INSC: variants seen among roughly 807,000 people sequenced by gnomAD.
The protein encoded by INSC is protein inscuteable homolog.
A neutral mutation model predicts 58.6 loss-of-function variants in INSC; 67 were observed. The ratio of observed to expected loss-of-function variants is 1.14; its 90% CI spans 0.94 to 1.40. INSC has a LOEUF of 1.40. INSC is among the 40% of genes most tolerant of loss of function. INSC has a pLI of 0.00. For synonymous variants in INSC, 262 were observed against 276.1 expected (o/e 0.95, Z 0.51); for missense variants, 714 against 692.0 (o/e 1.03, Z -0.36).
At chr11:15,168,247 A>G (rs370307730) in intron 2 of INSC, among the ~76,000 whole-genome samples, 13 of 152,190 alleles carry the variant, frequency 8.5e-5, no homozygotes, top group African/African-American at 3.1e-4. Context: ...TGCATTAGCT[A>G]TTTATCTTGA....
intron 5 of INSC, among the ~76,000 whole-genome samples, chr11:15,187,109 G>A (rs181171310): frequency 7.4e-4 from 112 of 152,208 alleles, no homozygotes; most frequent in Middle Eastern, 6.8e-3. Flanking sequence ...GATCCTACAC[G>A]TGGCTTTTCT....
chr11:15,195,403 T>G (rs1540150), intron 6 of INSC, among the ~76,000 whole-genome samples: 124,304 of 152,002 alleles, frequency 0.82, 51,120 homozygotes, highest in East Asian at 0.99. Flanking sequence ...GGCACATGGG[T>G]TCTGAAGATA....
intron 7 of INSC, among the ~76,000 whole-genome samples, chr11:15,201,540 A>G (rs1474927514): frequency 1.3e-5 from 2 of 152,102 alleles, no homozygotes; most frequent in African/African-American, 2.4e-5. Context: ...TTCAAGCCTG[A>G]TCTATGGTGA....
intron 8 of INSC, among the ~76,000 whole-genome samples, chr11:15,223,578 T>C (rs977210937): frequency 2.6e-5 from 4 of 152,192 alleles, no homozygotes; most frequent in Non-Finnish European, 4.4e-5. Flanking sequence ...GGCACTTAGG[T>C]GGTTGTGTTA....
intron 7 of INSC, among the ~76,000 whole-genome samples, chr11:15,214,747 G>T (rs1851150459): frequency 6.6e-6 from 1 of 152,172 alleles, no homozygotes; most frequent in African/African-American, 2.4e-5. Context: ...GAAGTGATTA[G>T]GTCATGAGGG....
chr11:15,241,193 A>G (rs16931285), intron 12 of INSC, among the ~76,000 whole-genome samples: 4,127 of 152,320 alleles, frequency 0.027, 137 homozygotes, highest in East Asian at 0.093. Flanking sequence ...AGGACTCCCA[A>G]AGTAGAGTAG....
At chr11:15,244,259 G>C (rs1852474791) in intron 12 of INSC, among the ~76,000 whole-genome samples, 1 of 152,122 alleles carries the variant, frequency 6.6e-6, no homozygotes, top group African/African-American at 2.4e-5. Flanking sequence ...GTTTACCCTT[G>C]TTAGTCTATG....
downstream of INSC, among the ~76,000 whole-genome samples, chr11:15,247,822 TTTG>T (rs1156390111): frequency 6.7e-6 from 1 of 150,372 alleles, no homozygotes; most frequent in Non-Finnish European, 1.5e-5. Flanking sequence ...ACAGACAACT[TTTG>T]TTAATATCAT....
intron 7 of INSC, among the ~76,000 whole-genome samples, chr11:15,210,321 T>C (rs963535947): frequency 6.9e-6 from 1 of 144,568 alleles, no homozygotes; most frequent in African/African-American, 2.7e-5. Context: ...TTGTGAGATG[T>C]AATGTGATGA....
the INSC span, among the ~76,000 whole-genome samples, chr11:15,258,846 G>C: frequency 6.6e-6 from 1 of 152,134 alleles, no homozygotes; most frequent in Non-Finnish European, 1.5e-5. Context: ...ACAGAATGAG[G>C]CAGGACATCT....
intron 7 of INSC, among the ~76,000 whole-genome samples, chr11:15,212,850 G>A (rs1251997661): frequency 2.0e-5 from 3 of 152,054 alleles, no homozygotes; most frequent in Non-Finnish European, 4.4e-5. Context: ...ATTGCATTGG[G>A]CAGTATGGTT....
intron 2 of INSC, among the ~76,000 whole-genome samples, chr11:15,161,138 G>T (rs1240023562): frequency 6.6e-6 from 1 of 152,128 alleles, no homozygotes; most frequent in Non-Finnish European, 1.5e-5. Context: ...TTGAGAGAGG[G>T]CCACTGCCTG....
At chr11:15,243,589 A>G (rs528087163) in intron 12 of INSC, among the ~76,000 whole-genome samples, 1 of 152,122 alleles carries the variant, frequency 6.6e-6, no homozygotes, top group East Asian at 1.9e-4. Flanking sequence ...GCTCTGAGCT[A>G]CTGTAGGGTT....
chr11:15,144,327 T>C (rs915870061), intron 1 of INSC, among the ~76,000 whole-genome samples: 2 of 152,192 alleles, frequency 1.3e-5, no homozygotes, highest in Admixed American at 1.3e-4. Flanking sequence ...GGGAAACAGA[T>C]ATGGAAACAC....
chr11:15,115,472 C>T (rs1229682293), intron 1 of INSC, among the ~76,000 whole-genome samples: 1 of 152,132 alleles, frequency 6.6e-6, no homozygotes. Context: ...CCTGACTTGT[C>T]CCAGCTGGGG....
chr11:15,250,438 C>G (rs898254091), downstream of INSC, among the ~76,000 whole-genome samples: 1 of 152,206 alleles, frequency 6.6e-6, no homozygotes, highest in Non-Finnish European at 1.5e-5. Context: ...TAACTGTCAT[C>G]ATTTTGGAAA....
chr11:15,198,684 A>C (rs1409857610), intron 6 of INSC, among the ~76,000 whole-genome samples: 1 of 152,166 alleles, frequency 6.6e-6, no homozygotes, highest in African/African-American at 2.4e-5. Flanking sequence ...ATATGTATAT[A>C]TATTTACATC....
At chr11:15,121,151 C>T (rs1055439753) in intron 1 of INSC, among the ~76,000 whole-genome samples, 2 of 151,918 alleles carry the variant, frequency 1.3e-5, no homozygotes, top group Non-Finnish European at 2.9e-5. Flanking sequence ...GTATATATTT[C>T]CTTAAAAAGG....
intron 1 of INSC, among the ~76,000 whole-genome samples, chr11:15,119,224 G>A (rs906451735): frequency 6.6e-6 from 1 of 152,240 alleles, no homozygotes; most frequent in African/African-American, 2.4e-5. Context: ...GACTGTTGCT[G>A]TGTGAGAAGC....
Sources: gnomAD v4.1 joint callset for allele counts (sites outside exome capture counted in the v4.1 genomes callset) on GRCh38, gnomAD v4.1.1 for gene constraint, MANE v1.5 for transcripts, NCBI Gene and HGNC (gene_info 2026-07-23, HGNC 2026-07-21) for gene names.